The following WIPF3 variants were observed in gnomAD, a reference collection of about 807,000 sequenced individuals.
WIPF3 encodes the protein WAS/WASL-interacting protein family member 3.
A neutral mutation model predicts 38.9 loss-of-function variants in WIPF3; 33 were observed. That is an observed-to-expected ratio of 0.85 (90% CI 0.64 to 1.14). The LOEUF (loss-of-function observed/expected upper bound fraction) is 1.14. Ranked by LOEUF, WIPF3 falls within the 50% of genes most tolerant of loss-of-function variation. WIPF3 has a pLI of 0.00. For missense variants in WIPF3, 711 were observed against 652.5 expected, an observed-to-expected ratio of 1.09 and a Z score of -0.98; for synonymous variants, 324 against 269.3, an observed-to-expected ratio of 1.20 and a Z score of -1.99.
intron 2 of WIPF3, among the ~76,000 whole-genome samples, chr7:29,843,721 G>A (rs1199872980): frequency 2.0e-5 from 3 of 152,158 alleles, no homozygotes; most frequent in African/African-American, 4.8e-5. Context: ...GGTCACCATC[G>A]TTGGGAGGCT....
chr7:29,911,497 C>G (rs75490120), intron 8 of WIPF3, among the ~76,000 whole-genome samples: 2,092 of 152,098 alleles, frequency 0.014, 35 homozygotes, highest in Non-Finnish European at 0.024. Context: ...AAGAATAAAT[C>G]TAGGGGACTC....
At chr7:29,892,495 A>G (rs1246415634) in intron 7 of WIPF3, among the ~76,000 whole-genome samples, 1 of 152,250 alleles carries the variant, frequency 6.6e-6, no homozygotes, top group African/African-American at 2.4e-5. Flanking sequence ...CAGGGCCGTC[A>G]TGGACCCTGC....
intron 3 of WIPF3, among the ~76,000 whole-genome samples, chr7:29,877,952 A>T (rs1228596980): frequency 2.0e-5 from 3 of 152,182 alleles, no homozygotes; most frequent in African/African-American, 7.2e-5. Flanking sequence ...ATGTCTTCCT[A>T]TGTTTTGCTA....
At chr7:29,816,315 T>C (rs191860050) in intron 1 of WIPF3, among the ~76,000 whole-genome samples, 93 of 151,664 alleles carry the variant, frequency 6.1e-4, no homozygotes, top group Middle Eastern at 3.4e-3. Context: ...TTATTATTAT[T>C]ATCATCATCA....
At chr7:29,902,829 G>C (rs916848867) in intron 7 of WIPF3, among the ~76,000 whole-genome samples, 2 of 142,768 alleles carry the variant, frequency 1.4e-5, no homozygotes, top group African/African-American at 5.2e-5. Context: ...GCAAGACTCT[G>C]TCTCAAAACA....
intron 2 of WIPF3, among the ~76,000 whole-genome samples, chr7:29,867,918 CT>C (rs1785420156): frequency 6.6e-6 from 1 of 152,134 alleles, no homozygotes; most frequent in African/African-American, 2.4e-5. Flanking sequence ...CAACAAAATA[CT>C]GATAGGTTGC....
At position 29,878,994 on chromosome 7, in the gene WIPF3, G is replaced by C. The variant is rs753908824; in HGVS notation, c.224-15G>C. Reference sequence around the variant, plus strand: ...TGCTCTCAAGTCCTTGCCTATTTGTGTCTTCTCTCTAAAGGTTCTAAAGGA... The same window carrying C: ...TGCTCTCAAGTCCTTGCCTATTTGTCTCTTCTCTCTAAAGGTTCTAAAGGA... On this transcript the variant is annotated splice_polypyrimidine_tract_variant and intron_variant, in intron 3 of 8. Coordinates refer to ENST00000242140, the MANE Select transcript of WIPF3 (RefSeq NM_001080529.3). This position sits in a 1 kb window ranked among gnomAD's most constrained non-coding sequence, Gnocchi z 4.0. 1.0e-5 allele frequency: 16 copies of C among 1,583,688 alleles called. No individual in the cohort carries two copies. The highest frequency in any genetic ancestry group is 1.8e-5 in the Admixed American group (1 of 56,996).
intron 2 of WIPF3, among the ~76,000 whole-genome samples, chr7:29,860,820 A>C (rs1236443025): frequency 6.6e-6 from 1 of 152,176 alleles, no homozygotes; most frequent in African/African-American, 2.4e-5. Context: ...CAAATTATTG[A>C]TACAGGGAAT....
At chr7:29,814,483 A>G (rs533865279) in intron 1 of WIPF3, among the ~76,000 whole-genome samples, 36 of 152,326 alleles carry the variant, frequency 2.4e-4, no homozygotes, top group Admixed American at 1.4e-3. Flanking sequence ...AGCTCAGTAC[A>G]TATTTGCTGC....
At chr7:29,889,168 G>A in intron 6 of WIPF3, 138 bp from the exon 7 acceptor site, 1 of 677,756 alleles carries the variant, frequency 1.5e-6, no homozygotes, top group Non-Finnish European at 2.6e-6. Context: ...GAATGGCCCT[G>A]TTGTTAAAAT....
chr7:29,820,572 A>G (rs1459412829), intron 1 of WIPF3, among the ~76,000 whole-genome samples: 1 of 152,110 alleles, frequency 6.6e-6, no homozygotes, highest in East Asian at 1.9e-4. Context: ...TTATAATGAT[A>G]ATAATTCTCT....
At chr7:29,858,424 A>G (rs1273097055) in intron 2 of WIPF3, among the ~76,000 whole-genome samples, 3 of 152,212 alleles carry the variant, frequency 2.0e-5, no homozygotes. Flanking sequence ...CAATGGTTAC[A>G]TCAGCCCACA....
chr7:29,838,197 C>T (rs1007412521), intron 2 of WIPF3, among the ~76,000 whole-genome samples: 3 of 152,120 alleles, frequency 2.0e-5, no homozygotes, highest in East Asian at 1.9e-4. Context: ...GGATTACAGG[C>T]GTGAGCCACT....
intron 1 of WIPF3, among the ~76,000 whole-genome samples, chr7:29,822,122 A>ATT (rs1784545814): frequency 3.3e-4 from 13 of 39,270 alleles, no homozygotes; most frequent in South Asian, 6.7e-4. Context: ...CTTTTTTCTT[A>ATT]GTTTTTTTTT....
At chr7:29,859,182 C>T (rs1785235643) in intron 2 of WIPF3, among the ~76,000 whole-genome samples, 1 of 152,184 alleles carries the variant, frequency 6.6e-6, no homozygotes, top group African/African-American at 2.4e-5. Context: ...GGATAAACCA[C>T]ACCACATGAG....
intron 3 of WIPF3, among the ~76,000 whole-genome samples, chr7:29,877,430 T>C (rs975845684): frequency 1.3e-5 from 2 of 152,272 alleles, no homozygotes; most frequent in African/African-American, 4.8e-5. Context: ...CCTTTGTTTG[T>C]TGCTGCCGTT....
At chr7:29,889,891 C>G (rs1255444165) in intron 7 of WIPF3, among the ~76,000 whole-genome samples, 5 of 152,210 alleles carry the variant, frequency 3.3e-5, no homozygotes, top group Admixed American at 3.3e-4. Flanking sequence ...CAGGTTACAT[C>G]TAAACCACAT....
At chr7:29,905,803 G>T (rs1358893817) in intron 8 of WIPF3, 2 of 152,240 alleles carry the variant, frequency 1.3e-5, no homozygotes, top group East Asian at 1.9e-4. Context: ...TCAAGGGCTG[G>T]TGGCCATTTT....
At chr7:29,822,480 C>G (rs942400333) in intron 1 of WIPF3, among the ~76,000 whole-genome samples, 1 of 152,282 alleles carries the variant, frequency 6.6e-6, no homozygotes, top group Middle Eastern at 3.4e-3. Flanking sequence ...TACAGAAATG[C>G]CTTGCCTTTG....
Sources: gnomAD v4.1 joint callset for allele counts (sites outside exome capture counted in the v4.1 genomes callset) on GRCh38, gnomAD v4.1.1 for gene constraint, Gnocchi (gnomAD v3.1) non-coding constraint, MANE v1.5 for transcripts, NCBI Gene and HGNC (gene_info 2026-07-23, HGNC 2026-07-21) for gene names.